CACNA1E: variants seen among roughly 807,000 people sequenced by gnomAD.
CACNA1E encodes voltage-dependent R-type calcium channel subunit alpha-1E.
Under a neutral mutation model 259.2 loss-of-function variants are expected in CACNA1E, and 40 were observed. That is an observed-to-expected ratio of 0.15 (90% confidence interval 0.12 to 0.20). The LOEUF is 0.20. Ranked by LOEUF, CACNA1E falls within the 10% of genes least tolerant of loss-of-function variation. CACNA1E has a pLI of 1.00. For synonymous variants in CACNA1E, 1,104 were observed against 1,138.5 expected (o/e 0.97, Z 0.61); for missense variants, 1,874 against 3,040.1 (o/e 0.62, Z 9.02).
chr1:181,380,683 A>G (rs891279374), intron 1 of CACNA1E, among the ~76,000 whole-genome samples: 2 of 152,230 alleles, frequency 1.3e-5, no homozygotes, highest in Non-Finnish European at 2.9e-5. Context: ...GCTAAAATTA[A>G]AAATACTGAT....
rs144488196 is a variant in CACNA1E, at chr1:181,561,149, T to C, written c.513-16617T>C. Among the ~76,000 whole-genome samples, 358 of 152,202 alleles carry C rather than the reference T, an allele frequency of 2.4e-3. 4 individuals are homozygous for C. The highest frequency in any genetic ancestry group is 8.4e-3 in the African/African-American group (351 of 41,540). On this transcript the variant is annotated intron_variant, in intron 3 of 47. Transcript: ENST00000367573. Reference sequence around the variant, plus strand: ...AGGGCAGATGAAAAAGTTCTGGAGATGAGTGGTAGTGATGGTTGTACAACA... The same window carrying C: ...AGGGCAGATGAAAAAGTTCTGGAGACGAGTGGTAGTGATGGTTGTACAACA...
intron 6 of CACNA1E, among the ~76,000 whole-genome samples, chr1:181,625,205 G>C (rs1572411857): frequency 6.6e-6 from 1 of 151,952 alleles, no homozygotes; most frequent in South Asian, 2.1e-4. Context: ...AAGGGCCCTA[G>C]GATTTTTGGA....
chr1:181,388,274 C>T (rs1467285393), intron 1 of CACNA1E, among the ~76,000 whole-genome samples: 2 of 152,260 alleles, frequency 1.3e-5, no homozygotes, highest in Middle Eastern at 3.4e-3. Context: ...TCTAGAAGGT[C>T]GCCGTGAGCC....
intron 45 of CACNA1E, among the ~76,000 whole-genome samples, chr1:181,794,440 G>C (rs1219889761): frequency 6.7e-6 from 1 of 148,522 alleles, no homozygotes; most frequent in African/African-American, 2.5e-5. Flanking sequence ...TGGCAAGGGC[G>C]TTTAAAAAAA....
chr1:181,444,629 T>C (rs1660695971), intron 2 of CACNA1E, among the ~76,000 whole-genome samples: 1 of 152,176 alleles, frequency 6.6e-6, no homozygotes, highest in South Asian at 2.1e-4. Flanking sequence ...GAAGATAATT[T>C]AGTTTCTGAA....
At chr1:181,771,629 G>C (rs912987909) in intron 36 of CACNA1E, 4 of 511,786 alleles carry the variant, frequency 7.8e-6, no homozygotes, top group Admixed American at 3.5e-5. Context: ...AAGCAGGGTT[G>C]GGTCTGCTAA....
chr1:181,430,135 CTG>C (rs1175188854), intron 2 of CACNA1E, among the ~76,000 whole-genome samples: 1 of 152,214 alleles, frequency 6.6e-6, no homozygotes, highest in Non-Finnish European at 1.5e-5. Context: ...TTCTGGATCT[CTG>C]TGCACATACA....
chr1:181,515,011 G>A (rs1402448844), intron 3 of CACNA1E, among the ~76,000 whole-genome samples: 1 of 152,132 alleles, frequency 6.6e-6, no homozygotes, highest in Non-Finnish European at 1.5e-5. Flanking sequence ...TTGCTAGCAG[G>A]CACTAGATCC....
intron 7 of CACNA1E, among the ~76,000 whole-genome samples, chr1:181,692,315 A>G (rs558211964): frequency 2.0e-5 from 3 of 152,232 alleles, no homozygotes; most frequent in African/African-American, 7.2e-5. Context: ...TAAAATTTAC[A>G]TGGAGCTAAA....
chr1:181,490,668 TG>T (rs1254029434), intron 1 of CACNA1E, among the ~76,000 whole-genome samples: 2 of 152,220 alleles, frequency 1.3e-5, no homozygotes, highest in Non-Finnish European at 1.5e-5. Flanking sequence ...TTGCTGCATT[TG>T]GGCTGCATCG....
chr1:181,553,465 T>C (rs1200623614), intron 3 of CACNA1E, among the ~76,000 whole-genome samples: 2 of 152,202 alleles, frequency 1.3e-5, no homozygotes, highest in African/African-American at 4.8e-5. Flanking sequence ...CAACTTGGCT[T>C]CCTCTCTTCC....
intron 3 of CACNA1E, among the ~76,000 whole-genome samples, chr1:181,552,995 T>G (rs1648336230): frequency 6.6e-6 from 1 of 152,254 alleles, no homozygotes; most frequent in Non-Finnish European, 1.5e-5. Flanking sequence ...CTTCTTTAAT[T>G]CCATATGAAA....
In CACNA1E at chr1:181,592,151, C is replaced by T. The variant is rs75975691; in HGVS notation, c.951+11375C>T. ...AGATGCTTCCCTGAGCCTTCTCCCC[C>T]AGACCTAAATGTTATTAGCACTCCT... On this transcript the variant is annotated intron_variant, in intron 6 of 47. Transcript: ENST00000367573. Among the ~76,000 whole-genome samples, 305 of 152,316 alleles carry T rather than the reference C, an allele frequency of 2.0e-3. 6 individuals carry two copies. In the East Asian group the frequency reaches 0.047, roughly 24 times the overall value.
chr1:181,619,995 CA>C (rs1655583006), intron 6 of CACNA1E, among the ~76,000 whole-genome samples: 1 of 152,068 alleles, frequency 6.6e-6, no homozygotes. Flanking sequence ...GACTTGAATT[CA>C]GAGAAGTTTG....
At chr1:181,722,637 A>T (rs1419754324) in intron 16 of CACNA1E, among the ~76,000 whole-genome samples, 1 of 152,244 alleles carries the variant, frequency 6.6e-6, no homozygotes, top group Non-Finnish European at 1.5e-5. Context: ...CGTGGTGAAT[A>T]CTAAATGAGA....
chr1:181,445,849 C>G (rs1660758668), intron 2 of CACNA1E, among the ~76,000 whole-genome samples: 1 of 152,176 alleles, frequency 6.6e-6, no homozygotes, highest in Non-Finnish European at 1.5e-5. Context: ...ATCTTTTCAC[C>G]TTTGCACATG....
intron 1 of CACNA1E, among the ~76,000 whole-genome samples, chr1:181,501,524 G>A (rs2102566145): frequency 6.6e-6 from 1 of 152,332 alleles, no homozygotes; most frequent in South Asian, 2.1e-4. Context: ...TAATGCTTAG[G>A]ATCTTTTGCT....
At chr1:181,545,915 T>C (rs938343732) in intron 3 of CACNA1E, among the ~76,000 whole-genome samples, 3 of 152,056 alleles carry the variant, frequency 2.0e-5, no homozygotes, top group Admixed American at 2.0e-4. Flanking sequence ...CCCATTATAT[T>C]GAAATATATG....
chr1:181,410,418 A>T (rs1361005714), intron 1 of CACNA1E, among the ~76,000 whole-genome samples: 1 of 152,182 alleles, frequency 6.6e-6, no homozygotes, highest in East Asian at 1.9e-4. Flanking sequence ...GCTCAAAAGC[A>T]TTGAGGCCTT....
Sources: gnomAD v4.1 joint callset for allele counts (sites outside exome capture counted in the v4.1 genomes callset) on GRCh38, gnomAD v4.1.1 for gene constraint, MANE v1.5 for transcripts, NCBI Gene and HGNC (gene_info 2026-07-23, HGNC 2026-07-21) for gene names.